ADGRA2: variants seen among roughly 807,000 people sequenced by gnomAD.
ADGRA2 encodes the protein G-protein coupled receptor 124.
In ADGRA2, 61 loss-of-function variants were observed where a neutral mutation model predicts 98.7. The ratio of observed to expected loss-of-function variants is 0.62; its 90% CI spans 0.50 to 0.76. The LOEUF is 0.76. ADGRA2 is among the 30% of genes least tolerant of loss of function. The pLI is 0.00. For synonymous variants in ADGRA2, 858 were observed against 831.5 expected (o/e 1.03, Z -0.55); for missense variants, 1,712 against 1,860.0 (o/e 0.92, Z 1.46).
chr8:37,840,296 T>C (rs1325834462), intron 17 of ADGRA2, 30 bp downstream of exon 17: 9 of 1,607,226 alleles, frequency 5.6e-6, no homozygotes, highest in Non-Finnish European at 7.6e-6. Flanking sequence ...GCTTTGCAAT[T>C]GGGGAGGGAC....
Position 37,833,814 on chromosome 8 carries a change from G to A in ADGRA2, c.1423G>A (p.Gly475Ser), listed in dbSNP as rs754490022. 6.2e-7 allele frequency: 1 copy of A among 1,614,166 alleles called. No homozygotes were observed. Among genetic ancestry groups the A allele is most frequent in the South Asian group, 1.1e-5 (1 of 91,082 alleles). ...GGCTCAGATGATCCAGAAATTTTTG[G>A]GTTATGTCGACCAGATCAAAGAGGT... ...YVAQMIQKFL[G>S]YVDQIKELVE... The change falls in exon 10 of 19, where the codon GGT (glycine) becomes AGT (serine). Residue 475 changes from glycine to serine, a missense_variant. Gly to Ser is a moderately conservative substitution (Grantham distance 56, BLOSUM62 0). Transcript: ENST00000412232.
intron 13 of ADGRA2, among the ~76,000 whole-genome samples, chr8:37,836,360 G>A (rs1227176430): frequency 1.3e-5 from 2 of 152,116 alleles, no homozygotes; most frequent in Admixed American, 1.3e-4. Context: ...TGACACAGAT[G>A]GGCCTTGAGG....
In ADGRA2 at chr8:37,797,472, C is replaced by T; in HGVS notation, c.204C>T (p.Cys68=). ...VPGPARRRVV[C]SGGDLPEPPE... is the part of the protein sequence containing the mutation. Reference sequence around the variant, plus strand: ...GCCCGGCTCGGCGGAGGGTGGTGTGCAGCGGCGGGGACCTCCCGGAGCCTC... The same window carrying T: ...GCCCGGCTCGGCGGAGGGTGGTGTGTAGCGGCGGGGACCTCCCGGAGCCTC... Residue 68 remains cysteine (C), a synonymous_variant, in exon 1 of 19, where the codon TGC becomes TGT. Coordinates refer to ENST00000412232, the MANE Select transcript of ADGRA2 (RefSeq NM_032777.10). This position sits in a 1 kb window ranked among gnomAD's most constrained non-coding sequence, Gnocchi z 5.3. 1.4e-6 allele frequency: 2 copies of T among 1,426,650 alleles called. No individual in the cohort carries two copies. Among genetic ancestry groups the T allele is most frequent in the South Asian group, 1.6e-5 (1 of 62,176 alleles). 88.4% of individuals were successfully genotyped at this position (1,426,650 alleles called of 1,614,324 possible). A position where few individuals can be genotyped will look rare whatever the true frequency, so the allele number is the denominator to read the frequency against.
intron 1 of ADGRA2, among the ~76,000 whole-genome samples, chr8:37,806,054 C>T (rs920229670): frequency 1.3e-5 from 2 of 152,020 alleles, no homozygotes; most frequent in Admixed American, 6.6e-5. Flanking sequence ...TGGCTCCCCC[C>T]GGGGGGCTTT....
chr8:37,833,236 G>GCCCC, intron 9 of ADGRA2, 28 bp downstream of exon 9: 1 of 1,551,536 alleles, frequency 6.4e-7, no homozygotes, highest in Non-Finnish European at 8.8e-7. Flanking sequence ...CACCCCACCA[G>GCCCC]CTCTGCTTCG....
chr8:37,808,374 C>G (rs943197240), intron 1 of ADGRA2, among the ~76,000 whole-genome samples: 8 of 152,116 alleles, frequency 5.3e-5, no homozygotes, highest in Non-Finnish European at 1.5e-5. Context: ...GAGGACGGAG[C>G]AGGTTGAGGA....
In ADGRA2 at chr8:37,814,756, G is replaced by A. The variant is rs920252021; in HGVS notation, c.267-140G>A. On this transcript the variant is annotated intron_variant, in intron 1 of 18. Transcript: ENST00000412232. The surrounding 1 kb of genome is among the most constrained non-coding windows in gnomAD (Gnocchi z 4.3). ...CAGCTTCTCCCTGTAATCTCCGGAA[G>A]TAGAGGGTGGGGGCTGCTGCCTCGC... The A allele has an allele frequency of 1.5e-6, 1 of 662,338 alleles. No individual in the cohort carries two copies. Among genetic ancestry groups the A allele is most frequent in the Non-Finnish European group, 2.8e-6 (1 of 361,888 alleles). 41.0% of individuals were successfully genotyped at this position (662,338 alleles called of 1,614,324 possible). A position where few individuals can be genotyped will look rare whatever the true frequency, so the allele number is the denominator to read the frequency against.
At chr8:37,803,087 C>A (rs138868588) in intron 1 of ADGRA2, among the ~76,000 whole-genome samples, 6 of 152,294 alleles carry the variant, frequency 3.9e-5, no homozygotes, top group South Asian at 2.1e-4. Context: ...AAGGCACAGG[C>A]AAACCAGTGT....
In ADGRA2 at chr8:37,833,824, A is replaced by C. The variant is rs749630412; in HGVS notation, c.1433A>C (p.Asp478Ala). 2.5e-6 allele frequency: 4 copies of C among 1,614,148 alleles called. No homozygotes were observed. In the Admixed American group the frequency reaches 6.7e-5, roughly 27 times the overall value. ...QMIQKFLGYV[D>A]QIKELVEVMV... The stretch of plus-strand genomic sequence containing the variant: ...ATCCAGAAATTTTTGGGTTATGTCG[A>C]CCAGATCAAAGAGGTGAGACTCAGC... Residue 478 changes from aspartate to alanine, a missense_variant, in exon 10 of 19, where the codon GAC (aspartate) becomes GCC (alanine). Physicochemically the swap from Asp to Ala is moderately radical, Grantham distance 126 (BLOSUM62 -2). Coordinates refer to ENST00000412232, the MANE Select transcript of ADGRA2 (RefSeq NM_032777.10).
intron 1 of ADGRA2, among the ~76,000 whole-genome samples, chr8:37,810,798 C>T (rs903538047): frequency 2.6e-5 from 4 of 152,064 alleles, no homozygotes; most frequent in African/African-American, 9.7e-5. Flanking sequence ...TGCACCAGGC[C>T]TAAATAACAT....
intron 14 of ADGRA2, 35 bp from the exon 15 acceptor site, chr8:37,838,919 CCA>C: frequency 2.0e-6 from 3 of 1,536,440 alleles, no homozygotes; most frequent in Non-Finnish European, 2.6e-6. Flanking sequence ...GGCGAGGTGT[CCA>C]CATTCCTCAC....
chr8:37,805,504 A>T (rs1804632532), intron 1 of ADGRA2, among the ~76,000 whole-genome samples: 1 of 152,054 alleles, frequency 6.6e-6, no homozygotes, highest in Admixed American at 6.6e-5. Flanking sequence ...CTGCAGGCTG[A>T]GGCAGGGGGA....
intron 4 of ADGRA2, 51 bp from the exon 5 acceptor site, chr8:37,829,437 G>T (rs760721955): frequency 6.4e-7 from 1 of 1,551,466 alleles, no homozygotes; most frequent in South Asian, 1.1e-5. Context: ...CTCCTCCGCC[G>T]GCCCATGGAC....
rs60820611 is a variant in ADGRA2, at chr8:37,842,865, T to C, written c.*510T>C. On this transcript the variant is annotated 3_prime_UTR_variant, in exon 19 of 19. Coordinates refer to ENST00000412232, the MANE Select transcript of ADGRA2 (RefSeq NM_032777.10). ...GAGCTAGCCCAGCACATGAAGCAGGTGATGTTAAGTCACAAGGTGCTGCTT... is the reference window on the plus strand; with the variant it reads ...GAGCTAGCCCAGCACATGAAGCAGGCGATGTTAAGTCACAAGGTGCTGCTT... The C allele has an allele frequency of 0.017, 2,676 of 153,790 alleles. 99 individuals are homozygous for C. The highest frequency in any genetic ancestry group is 0.061 in the African/African-American group (2,519 of 41,556). 9.5% of individuals were successfully genotyped at this position (153,790 alleles called of 1,614,324 possible). A position where few individuals can be genotyped will look rare whatever the true frequency, so the allele number is the denominator to read the frequency against.
chr8:37,842,608 G>GTTCCT lies in ADGRA2; in HGVS notation c.*253_*254insTTCCT. Reference sequence around the variant, plus strand: ...TGACTGTCGGTGCCCTCCCAGGAACGGGGAAGGCCTCCGTCTGTGTGAAAG... The same window carrying GTTCCT: ...TGACTGTCGGTGCCCTCCCAGGAACGTTCCTGGGAAGGCCTCCGTCTGTGTGAAAG... On this transcript the variant is annotated 3_prime_UTR_variant, in exon 19 of 19. Coordinates refer to ENST00000412232, the MANE Select transcript of ADGRA2 (RefSeq NM_032777.10). 4.0e-6 allele frequency: 2 copies of GTTCCT among 500,022 alleles called. No individual in the cohort carries two copies. Among genetic ancestry groups the GTTCCT allele is most frequent in the Non-Finnish European group, 6.4e-6 (2 of 313,290 alleles). The allele number at this position is 500,022 out of a possible 1,614,324, so 31.0% of individuals were successfully genotyped here.
At chr8:37,801,145 C>G (rs1804490872) in intron 1 of ADGRA2, among the ~76,000 whole-genome samples, 1 of 152,202 alleles carries the variant, frequency 6.6e-6, no homozygotes, top group Non-Finnish European at 1.5e-5. Context: ...AGCCCTCCCG[C>G]CACCTCCACC....
chr8:37,835,562 G>T lies in ADGRA2; in HGVS notation c.1842G>T (p.Val614=). ...CTCCTATGTCCCCCCAGAACAGCGT[G>T]GCCCTGGCCTCCATCCAGCTGCCCC... The part of the protein sequence containing the change: ...SLSSFHIKNS[V]ALASIQLPPS... The change falls in exon 13 of 19, where the codon GTG becomes GTT. Residue 614 remains valine, a synonymous_variant. Coordinates refer to ENST00000412232, the MANE Select transcript of ADGRA2 (RefSeq NM_032777.10). The T allele has an allele frequency of 6.2e-7, 1 of 1,610,574 alleles. No homozygotes were observed. The highest frequency in any genetic ancestry group is 1.1e-5 in the South Asian group (1 of 90,990).
At chr8:37,820,677 G>A (rs1259331146) in intron 2 of ADGRA2, among the ~76,000 whole-genome samples, 5 of 152,240 alleles carry the variant, frequency 3.3e-5, no homozygotes, top group African/African-American at 7.2e-5. Flanking sequence ...TAACTGAAAC[G>A]GAAGCTCCAG....
At chr8:37,824,286 C>G (rs1805206729) in intron 2 of ADGRA2, among the ~76,000 whole-genome samples, 1 of 152,024 alleles carries the variant, frequency 6.6e-6, no homozygotes, top group Non-Finnish European at 1.5e-5. Context: ...GCCTTGGCCA[C>G]CCAGAGTGCT....
Sources: gnomAD v4.1 joint callset for allele counts (sites outside exome capture counted in the v4.1 genomes callset) on GRCh38, gnomAD v4.1.1 for gene constraint, Gnocchi (gnomAD v3.1) non-coding constraint, MANE v1.5 for transcripts, NCBI Gene and HGNC (gene_info 2026-07-23, HGNC 2026-07-21) for gene names.